The following CALU variants were observed in gnomAD, a reference collection of about 807,000 sequenced individuals.
CALU encodes calumenin, also known as IEF SSP 9302.
CALU carries 13 observed loss-of-function variants against 37.5 expected under a neutral mutation model. That is an observed-to-expected ratio of 0.35 (90% CI 0.23 to 0.55). The LOEUF is 0.55. CALU is among the 20% of genes least tolerant of loss of function. The pLI is 0.89. For missense variants in CALU, 282 were observed against 391.7 expected (o/e 0.72, Z 2.36); for synonymous variants, 114 against 133.8 (o/e 0.85, Z 1.02).
chr7:128,753,334 A>G (rs752371467), intron 2 of CALU, among the ~76,000 whole-genome samples: 6 of 152,246 alleles, frequency 3.9e-5, no homozygotes, highest in Non-Finnish European at 8.8e-5. Flanking sequence ...TGGGCTGCTT[A>G]CTTGGGTGAC....
At position 128,772,571 on chromosome 7, in the gene CALU, G is replaced by A. The variant is rs1801627905; in HGVS notation, c.*3404G>A. The A allele has an allele frequency of 6.2e-7, 1 of 1,614,188 alleles. No individual in the cohort carries two copies. The highest frequency in any genetic ancestry group is 8.5e-7 in the Non-Finnish European group (1 of 1,180,024). ...GGGGCCAACTTGGGTAGACGAGACA[G>A]TAGAAACTTCTGTTTTCTGGGAGCT... On this transcript the variant is annotated 3_prime_UTR_variant, in exon 7 of 7. Transcript: ENST00000249364.
At position 128,772,498 on chromosome 7, in the gene CALU, AAATTT is replaced by A; in HGVS notation, c.*3336_*3340del. 3 of 1,613,302 alleles carry A rather than the reference AAATTT, an allele frequency of 1.9e-6. No homozygotes were observed. Among genetic ancestry groups the A allele is most frequent in the Non-Finnish European group, 2.5e-6 (3 of 1,179,314 alleles). On this transcript the variant is annotated 3_prime_UTR_variant, in exon 7 of 7. Transcript: ENST00000249364. ...GACAATAGAAACTTACTTAAAAGTA[AAATTT>A]AATTCTAGCTGTTGCAAACAGGCCA...
intron 5 of CALU, among the ~76,000 whole-genome samples, chr7:128,764,985 A>G (rs1041707746): frequency 2.0e-5 from 3 of 152,228 alleles, no homozygotes; most frequent in Admixed American, 2.0e-4. Context: ...GCAGTGGCAC[A>G]ATCACAGCAG....
chr7:128,770,494 C>G lies in CALU; in HGVS notation c.*1327C>G, dbSNP rs1801513784. 1 of 151,746 alleles carries G rather than the reference C, an allele frequency of 6.6e-6. No individual in the cohort carries two copies. The highest frequency in any genetic ancestry group is 1.5e-5 in the Non-Finnish European group (1 of 67,972). The allele number at this position is 151,746 out of a possible 1,614,324, so 9.4% of individuals were successfully genotyped here. A position where few individuals can be genotyped will look rare whatever the true frequency, so the allele number is the denominator to read the frequency against. On this transcript the variant is annotated 3_prime_UTR_variant, in exon 7 of 7. Coordinates refer to ENST00000249364, the MANE Select transcript of CALU (RefSeq NM_001219.5). Reference sequence around the variant, plus strand: ...GATCAGAGGACCTACAGAGAGGGCTCTTTGGTTTGAGGACCATGGCTTACC... The same window carrying G: ...GATCAGAGGACCTACAGAGAGGGCTGTTTGGTTTGAGGACCATGGCTTACC...
At chr7:128,746,755 T>C (rs902090632) in intron 1 of CALU, among the ~76,000 whole-genome samples, 1 of 134,614 alleles carries the variant, frequency 7.4e-6, no homozygotes, top group Non-Finnish European at 1.6e-5. Flanking sequence ...CCCGGCCTCA[T>C]GTCATTCTTT....
At position 128,770,690 on chromosome 7, in the gene CALU, C is replaced by G. The variant is rs1801526298; in HGVS notation, c.*1523C>G. 1.3e-5 allele frequency: 2 copies of G among 152,532 alleles called. No homozygotes were observed. The highest frequency in any genetic ancestry group is 6.6e-5 in the Admixed American group (1 of 15,266). The allele number at this position is 152,532 out of a possible 1,614,324, so 9.4% of individuals were successfully genotyped here. A position where few individuals can be genotyped will look rare whatever the true frequency, so the allele number is the denominator to read the frequency against. On this transcript the variant is annotated 3_prime_UTR_variant, in exon 7 of 7. Coordinates refer to ENST00000249364, the MANE Select transcript of CALU (RefSeq NM_001219.5). Reference sequence around the variant, plus strand: ...CCCTTTGTTCCCAACTCCACTTTACCCATATTTTATGCAACACAAACACTG... The same window carrying G: ...CCCTTTGTTCCCAACTCCACTTTACGCATATTTTATGCAACACAAACACTG...
intron 5 of CALU, among the ~76,000 whole-genome samples, chr7:128,763,954 G>A (rs551689191): frequency 9.2e-5 from 14 of 152,158 alleles, no homozygotes; most frequent in Non-Finnish European, 1.3e-4. Flanking sequence ...CTCTTTAGGT[G>A]TTTTCCCATA....
At chr7:128,745,551 G>A (rs1210231625) in intron 1 of CALU, among the ~76,000 whole-genome samples, 1 of 152,120 alleles carries the variant, frequency 6.6e-6, no homozygotes, top group Non-Finnish European at 1.5e-5. Flanking sequence ...ACTGCAGTGA[G>A]CTATCATCAC....
intron 1 of CALU, among the ~76,000 whole-genome samples, chr7:128,746,366 C>G (rs1800437474): frequency 2.0e-5 from 3 of 152,034 alleles, no homozygotes; most frequent in Non-Finnish European, 1.5e-5. Context: ...CCGTATTTCC[C>G]AGGGTGGTCT....
intron 3 of CALU, among the ~76,000 whole-genome samples, chr7:128,756,031 T>A (rs556989580): frequency 6.6e-6 from 1 of 152,296 alleles, no homozygotes; most frequent in African/African-American, 2.4e-5. Context: ...AAAGTGGCAC[T>A]CTCTCTCAAT....
intron 6 of CALU, among the ~76,000 whole-genome samples, chr7:128,768,861 A>C (rs1424472177): frequency 2.0e-5 from 3 of 150,644 alleles, no homozygotes; most frequent in Non-Finnish European, 4.4e-5. Context: ...AAAAAAAAAA[A>C]AAAAAAACAA....
At chr7:128,752,658 A>T (rs1024581215) in intron 2 of CALU, among the ~76,000 whole-genome samples, 5 of 152,218 alleles carry the variant, frequency 3.3e-5, no homozygotes, top group African/African-American at 1.2e-4. Flanking sequence ...CCTTATGTCT[A>T]TGTAGATAGA....
intron 1 of CALU, chr7:128,747,653 C>G (rs1283506533): frequency 6.6e-6 from 1 of 151,726 alleles, no homozygotes; most frequent in African/African-American, 2.4e-5. Context: ...TTTTTTTTCC[C>G]TCTAAGACCT....
At chr7:128,751,069 T>G (rs1276004255) in intron 2 of CALU, among the ~76,000 whole-genome samples, 2 of 151,648 alleles carry the variant, frequency 1.3e-5, no homozygotes, top group African/African-American at 2.4e-5. Flanking sequence ...GCAGGCAGTT[T>G]ATGAGGTCAA....
chr7:128,751,946 CGTCCATAGGGT>C (rs1326371934), intron 2 of CALU, among the ~76,000 whole-genome samples: 2 of 152,140 alleles, frequency 1.3e-5, no homozygotes, highest in African/African-American at 4.8e-5. Context: ...TATTTAGTGG[CGTCCATAGGGT>C]TCTCCCCTGT....
At chr7:128,761,849 C>T (rs1321773949) in intron 5 of CALU, among the ~76,000 whole-genome samples, 3 of 152,194 alleles carry the variant, frequency 2.0e-5, no homozygotes, top group Non-Finnish European at 4.4e-5. Context: ...TATCACCTGT[C>T]ATTAAACTGT....
intron 3 of CALU, among the ~76,000 whole-genome samples, chr7:128,755,309 CAAAAAAAAAAAAAAA>C (rs59208090): frequency 1.9e-5 from 1 of 51,526 alleles, no homozygotes; most frequent in Non-Finnish European, 3.8e-5. Context: ...GAGCTCTGTC[CAAAAAAAAAAAAAAA>C]AAAAAAAAAG....
rs397748997 is a variant in CALU, at chr7:128,772,175, GA to G, written c.*3021del. 7.0e-4 allele frequency among the ~76,000 whole-genome samples: 100 copies of G among 143,744 alleles called. No individual in the cohort carries two copies. The highest frequency in any genetic ancestry group is 1.2e-3 in the African/African-American group (49 of 39,260). The allele number at this position is 143,744 out of a possible 152,430, so 94.3% of individuals were successfully genotyped here. A position where few individuals can be genotyped will look rare whatever the true frequency, so the allele number is the denominator to read the frequency against. ...TCATCTCAGAATGGATCCCCAGCAG[GA>G]AAAAAAAAAAAAGTTACTAAAAAGG... On this transcript the variant is annotated 3_prime_UTR_variant, in exon 7 of 7. Transcript: ENST00000249364.
chr7:128,751,056 G>A (rs776801896), intron 2 of CALU, among the ~76,000 whole-genome samples: 3 of 152,044 alleles, frequency 2.0e-5, no homozygotes, highest in Admixed American at 1.3e-4. Flanking sequence ...TTGGGAGGCC[G>A]AGGCAGGCAG....
Sources: allele counts gnomAD v4.1 joint callset (sites outside exome capture counted in the v4.1 genomes callset), GRCh38; gene constraint gnomAD v4.1.1; transcripts MANE v1.5; gene names NCBI Gene and HGNC (gene_info 2026-07-23, HGNC 2026-07-21).